Variants in SUN1 observed in about 807,000 individuals in gnomAD.
SUN1 encodes the protein SUN domain-containing protein 1.
SUN1 carries 61 observed loss-of-function variants against 103.2 expected under a neutral mutation model. That is an observed-to-expected ratio of 0.59 (90% CI 0.48 to 0.73). The LOEUF (loss-of-function observed/expected upper bound fraction) is 0.73. Ranked by LOEUF, SUN1 falls within the 30% of genes least tolerant of loss-of-function variation. The pLI is 0.00. For synonymous variants in SUN1, 490 were observed against 425.7 expected, an observed-to-expected ratio of 1.15 and a Z score of -1.86; for missense variants, 1,052 against 1,034.6, an observed-to-expected ratio of 1.02 and a Z score of -0.23.
upstream of SUN1, chr7:816,534 G>A: frequency 2.8e-6 from 1 of 352,150 alleles, no homozygotes; most frequent in Admixed American, 4.0e-5. Flanking sequence ...AACGCTTCGG[G>A]TGGCGCGCTC....
chr7:863,671 T>C (rs1208155513), intron 15 of SUN1, among the ~76,000 whole-genome samples: 1 of 152,216 alleles, frequency 6.6e-6, no homozygotes, highest in Admixed American at 6.5e-5. Flanking sequence ...CCCAGCCTTT[T>C]CACTGTAATT....
chr7:821,849 A>G (rs1178745342), intron 1 of SUN1, among the ~76,000 whole-genome samples: 1 of 152,316 alleles, frequency 6.6e-6, no homozygotes, highest in South Asian at 2.1e-4. Context: ...CATCAGGCAG[A>G]TTGGAAACAG....
Position 852,652 on chromosome 7 carries a change from C to G in SUN1, c.895C>G (p.Leu299Val), listed in dbSNP as rs761818422. Residue 299 changes from leucine (L) to valine (V), a missense_variant, in exon 8 of 19, where the codon CTC becomes GTC. Physicochemically the swap from Leu to Val is conservative, Grantham distance 32 (BLOSUM62 1). Transcript: ENST00000401592. Reference sequence around the variant, plus strand: ...CAAGTTTTTAGTCTTGCTCATCCCACTCTTCCTTTTACTAGGTAAGTCAAA... The same window carrying G: ...CAAGTTTTTAGTCTTGCTCATCCCAGTCTTCCTTTTACTAGGTAAGTCAAA... ...ICKFLVLLIP[L>V]FLLLAGLSLR... The G allele has an allele frequency of 6.2e-7, 1 of 1,614,208 alleles. No individual in the cohort carries two copies. Among genetic ancestry groups the G allele is most frequent in the Non-Finnish European group, 8.5e-7 (1 of 1,180,034 alleles).
intron 1 of SUN1, among the ~76,000 whole-genome samples, chr7:833,564 G>T (rs1799949433): frequency 6.6e-6 from 1 of 152,166 alleles, no homozygotes; most frequent in Non-Finnish European, 1.5e-5. Context: ...ACCCACCTCG[G>T]CCTCCCAAAG....
At chr7:850,788 A>C (rs1027192359) in intron 5 of SUN1, 1 of 151,306 alleles carries the variant, frequency 6.6e-6, no homozygotes, top group African/African-American at 2.4e-5. Flanking sequence ...AAAAACAAAA[A>C]AAAACTGGAA....
intron 13 of SUN1, 60 bp from the exon 14 acceptor site, chr7:860,068 C>T (rs1050194807): frequency 1.7e-5 from 27 of 1,587,292 alleles, no homozygotes; most frequent in East Asian, 2.2e-5. Flanking sequence ...ATAATGGACC[C>T]GAACAGTGGA....
rs1227863699 is a variant in SUN1, at chr7:843,354, T to C, written c.492T>C (p.Ala164=). 1 of 1,606,368 alleles carries C rather than the reference T, an allele frequency of 6.2e-7. No individual in the cohort carries two copies. Among genetic ancestry groups the C allele is most frequent in the Middle Eastern group, 1.7e-4 (1 of 6,030 alleles). ...TGAAAACTTTAGGTGGAAATAAAGCTGCCATTCAGGGAAACGGGGATGTGG... is the reference window on the plus strand; with the variant it reads ...TGAAAACTTTAGGTGGAAATAAAGCCGCCATTCAGGGAAACGGGGATGTGG... ...DDGDLKGGNK[A]AIQGNGDVGA... Residue 164 remains alanine, a synonymous_variant, in exon 5 of 19, where the codon GCT becomes GCC. Coordinates refer to ENST00000401592, the MANE Select transcript of SUN1 (RefSeq NM_001130965.3).
intron 16 of SUN1, among the ~76,000 whole-genome samples, chr7:866,622 C>T (rs1836931004): frequency 7.1e-6 from 1 of 140,570 alleles, no homozygotes; most frequent in East Asian, 2.2e-4. Flanking sequence ...TGTCTCCCCA[C>T]CATCTCCCCG....
rs1806183280 is a variant in SUN1 at position 838,905 on chromosome 7, C to T, written c.185C>T (p.Ala62Val). 6 of 1,611,470 alleles carry T rather than the reference C, an allele frequency of 3.7e-6. No individual in the cohort carries two copies. The highest frequency in any genetic ancestry group is 5.1e-6 in the Non-Finnish European group (6 of 1,179,280). ...SRRSLRLATTACTLGDGEAVG... is the reference protein window; with the variant it reads ...SRRSLRLATTVCTLGDGEAVG... ...CGTAGTTTGCGCCTGGCCACGACAG[C>T]ATGCACCCTGGGGGATGGTGAGGCT... Residue 62 changes from alanine to valine, a missense_variant, in exon 2 of 19, where the codon GCA (alanine) becomes GTA (valine). Transcript: ENST00000401592.
chr7:848,041 C>T (rs62430772), intron 5 of SUN1, among the ~76,000 whole-genome samples: 10 of 121,986 alleles, frequency 8.2e-5, no homozygotes, highest in East Asian at 5.3e-4. Context: ...GTCCAGTCTC[C>T]GGGATCCCCT....
intron 11 of SUN1, among the ~76,000 whole-genome samples, chr7:855,617 T>A (rs1195232327): frequency 6.6e-6 from 1 of 152,172 alleles, no homozygotes; most frequent in Admixed American, 6.5e-5. Flanking sequence ...GCACACCCTT[T>A]TGGGAATCTT....
chr7:870,789 A>G (rs1840990672), intron 17 of SUN1, among the ~76,000 whole-genome samples: 1 of 151,932 alleles, frequency 6.6e-6, no homozygotes, highest in African/African-American at 2.4e-5. Context: ...CCCGTGGACG[A>G]GACACTCACA....
chr7:848,174 A>G (rs1263145204), intron 5 of SUN1, among the ~76,000 whole-genome samples: 3 of 145,804 alleles, frequency 2.1e-5, no homozygotes, highest in African/African-American at 5.0e-5. Context: ...GTTACTCTGC[A>G]GCACCCTCTC....
In SUN1 at chr7:842,054, G is replaced by T. The variant is rs778231328; in HGVS notation, c.375G>T (p.Gln125His). The T allele has an allele frequency of 1.2e-6, 2 of 1,614,124 alleles. No homozygotes were observed. The highest frequency in any genetic ancestry group is 2.7e-5 in the African/African-American group (2 of 74,942). The change falls in exon 3 of 19, where the codon CAG becomes CAT. Residue 125 changes from glutamine (Q) to histidine (H), a missense_variant. Gln to His is a conservative substitution (Grantham distance 24). Around this residue, in one of 2 missense-constraint regions of SUN1, gnomAD observed 846 missense variants for 774.5 expected, o/e 1.09. Transcript: ENST00000401592. ...GVSHGGTVSL[Q>H]DAVTRRPPVL... ...GCCACGGCGGCACTGTCAGCCTGCA[G>T]GATGCTGTGACTCGACGGCCTCCTG... is the stretch of plus-strand genomic sequence containing the variant.
chr7:857,295 C>G (rs967350894), intron 12 of SUN1, among the ~76,000 whole-genome samples: 3 of 152,188 alleles, frequency 2.0e-5, no homozygotes, highest in Non-Finnish European at 4.4e-5. Flanking sequence ...ACGGTTTTCT[C>G]TCCTTCCAAA....
chr7:851,539 C>T, intron 6 of SUN1, 57 bp downstream of exon 6: 3 of 1,356,700 alleles, frequency 2.2e-6, no homozygotes, highest in South Asian at 2.5e-5. Context: ...CAGCTAAGCA[C>T]CTGCACTCGA....
chr7:845,364 C>G (rs548928675), intron 5 of SUN1, among the ~76,000 whole-genome samples: 295 of 152,348 alleles, frequency 1.9e-3, no homozygotes, highest in African/African-American at 6.9e-3. Flanking sequence ...CAAGCCCCAT[C>G]CTTCCCGCGG....
intron 5 of SUN1, among the ~76,000 whole-genome samples, chr7:844,680 GTGCCT>G (rs1477759778): frequency 6.6e-6 from 1 of 152,226 alleles, no homozygotes; most frequent in Non-Finnish European, 1.5e-5. Flanking sequence ...ACTGTGCACG[GTGCCT>G]GCTTGGGTTC....
At chr7:820,004 A>G (rs916110409) in intron 1 of SUN1, among the ~76,000 whole-genome samples, 23 of 152,206 alleles carry the variant, frequency 1.5e-4, no homozygotes, top group Non-Finnish European at 2.9e-4. Flanking sequence ...GAAGCTAGGA[A>G]GTCGGGGTCC....
Sources: allele counts gnomAD v4.1 joint callset (sites outside exome capture counted in the v4.1 genomes callset), GRCh38; gene constraint gnomAD v4.1.1; regional missense constraint gnomAD v4.1.1; transcripts MANE v1.5; gene names NCBI Gene and HGNC (gene_info 2026-07-23, HGNC 2026-07-21).